The following TSC22D2 variants were observed in gnomAD, a reference collection of about 807,000 sequenced individuals.
TSC22D2 encodes TSC22 domain family protein 2.
TSC22D2 carries 5 observed loss-of-function variants against 50.1 expected under a neutral mutation model. The observed-to-expected ratio is 0.10, with a 90% CI of 0.05 to 0.21. The LOEUF is 0.21. Ranked by LOEUF, TSC22D2 falls within the 10% of genes least tolerant of loss-of-function variation. The pLI is 1.00. For synonymous variants in TSC22D2, 501 were observed against 450.1 expected, an observed-to-expected ratio of 1.11 and a Z score of -1.43; for missense variants, 1,003 against 1,015.5, an observed-to-expected ratio of 0.99 and a Z score of 0.17.
intron 2 of TSC22D2, 31 bp from the exon 3 acceptor site, chr3:150,458,345 C>CT: frequency 1.3e-6 from 2 of 1,596,938 alleles, no homozygotes; most frequent in Non-Finnish European, 1.7e-6. Context: ...TCTTTTCACT[C>CT]TTTTGACATT....
At chr3:150,440,946 A>G (rs1248601149) in intron 1 of TSC22D2, among the ~76,000 whole-genome samples, 2 of 151,828 alleles carry the variant, frequency 1.3e-5, no homozygotes, top group Non-Finnish European at 2.9e-5. Flanking sequence ...CTGCAGAGCT[A>G]GTATAAACTG....
chr3:150,463,106 C>A lies in TSC22D2; in HGVS notation c.*4470C>A, dbSNP rs1721464630. The stretch of plus-strand genomic sequence containing the variant: ...AAAGGGTTGGGGAATGGAACCTTTG[C>A]TGTCACTATGCCTGTCTCTCAATTC... On this transcript the variant is annotated 3_prime_UTR_variant, in exon 3 of 3. Coordinates refer to ENST00000688009, the MANE Select transcript of TSC22D2 (RefSeq NM_001303264.2). 6.6e-6 allele frequency: 1 copy of A among 152,218 alleles called. No individual in the cohort carries two copies. The highest frequency in any genetic ancestry group is 2.1e-4 in the South Asian group (1 of 4,830). The allele number at this position is 152,218 out of a possible 1,614,324, so 9.4% of individuals were successfully genotyped here.
chr3:150,424,511 T>C (rs1720113885), intron 1 of TSC22D2, among the ~76,000 whole-genome samples: 1 of 152,200 alleles, frequency 6.6e-6, no homozygotes, highest in South Asian at 2.1e-4. Flanking sequence ...AGCTATATTT[T>C]TGATAATTTG....
rs1719526586 is a variant in TSC22D2, at chr3:150,410,873, ACGTGCCTGCAGCCGTGCCCGCTCCAAG to A, written c.1531_1557del (p.Ala511_Pro519del). 6.2e-7 allele frequency: 1 copy of A among 1,613,228 alleles called. No homozygotes were observed. Among genetic ancestry groups the A allele is most frequent in the East Asian group, 2.2e-5 (1 of 44,816 alleles). On this transcript the variant is annotated inframe_deletion, in exon 1 of 3. Transcript: ENST00000688009. ...CACGCCGTGGTGCCCGGAGTTCCAA[ACGTGCCTGCAGCCGTGCCCGCTCCAAG>A]CGTGCCTAGTGTGTCTACCACTTCT...
rs1719550744 is a variant in TSC22D2, at chr3:150,411,189, G to T, written c.1839G>T (p.Lys613Asn). The T allele has an allele frequency of 1.9e-6, 3 of 1,614,182 alleles. No homozygotes were observed. In the East Asian group the frequency reaches 6.7e-5, roughly 36 times the overall value. The stretch of plus-strand genomic sequence containing the variant: ...CACTTTCTCTCATTGCTGAAAATAA[G>T]CCTGTTGTGAAGCCGCCTGTTGCAG... The part of the protein sequence containing the change: ...QPPLSLIAEN[K>N]PVVKPPVADS... The change falls in exon 1 of 3, where the codon AAG becomes AAT. Residue 613 changes from lysine to asparagine, a missense_variant. Lys to Asn is a moderately conservative substitution (Grantham distance 94). Transcript: ENST00000688009.
chr3:150,437,709 G>T (rs4681206), intron 1 of TSC22D2, among the ~76,000 whole-genome samples: 57,785 of 151,818 alleles, frequency 0.38, 11,397 homozygotes, highest in Middle Eastern at 0.54. Flanking sequence ...TCGGGAGGCT[G>T]AGGCAGGAGA....
rs201536047 is a variant in TSC22D2, at chr3:150,457,134, A to T, written c.2010+7A>T. The T allele has an allele frequency of 6.4e-4, 1,029 of 1,610,616 alleles. 5 individuals carry two copies. The Middle Eastern group carries it at 0.012, about 18-fold the overall frequency. ...CAAAATAGAACAAGCAATGGTAAGT[A>T]AAAGTTTACAGTTCTCCCATTTCAT... is the stretch of plus-strand genomic sequence containing the variant. On this transcript the variant is annotated splice_region_variant and intron_variant, in intron 2 of 2. Transcript: ENST00000688009.
chr3:150,415,180 G>A (rs1482546459), intron 1 of TSC22D2, among the ~76,000 whole-genome samples: 1 of 152,048 alleles, frequency 6.6e-6, no homozygotes, highest in African/African-American at 2.4e-5. Context: ...AAAGGCTTAC[G>A]ATTTTCCAAA....
intron 1 of TSC22D2, among the ~76,000 whole-genome samples, chr3:150,446,332 C>G (rs1720889686): frequency 6.6e-6 from 1 of 151,980 alleles, no homozygotes; most frequent in Non-Finnish European, 1.5e-5. Context: ...TAGAGTGTTG[C>G]CTTTATATTT....
intron 1 of TSC22D2, among the ~76,000 whole-genome samples, chr3:150,420,722 A>G (rs895396681): frequency 2.6e-5 from 4 of 152,232 alleles, no homozygotes; most frequent in East Asian, 3.8e-4. Context: ...TTTGGAACCA[A>G]TTTACCTGGA....
At chr3:150,438,284 A>G (rs1013411662) in intron 1 of TSC22D2, 4 of 404,596 alleles carry the variant, frequency 9.9e-6, no homozygotes, top group Admixed American at 9.7e-5. Flanking sequence ...ATGCCCTCAC[A>G]TGGTTGGAGG....
intron 1 of TSC22D2, among the ~76,000 whole-genome samples, chr3:150,430,758 A>C (rs934949545): frequency 5.3e-5 from 8 of 152,148 alleles, no homozygotes; most frequent in African/African-American, 1.7e-4. Context: ...AGAGTAGGGT[A>C]AAGGGTCAAG....
In TSC22D2 at chr3:150,409,925, G is replaced by A. The variant is rs1380804979; in HGVS notation, c.575G>A (p.Ser192Asn). 6.2e-7 allele frequency: 1 copy of A among 1,613,976 alleles called. No homozygotes were observed. Residue 192 changes from serine to asparagine, a missense_variant, in exon 1 of 3, where the codon AGC becomes AAC. Coordinates refer to ENST00000688009, the MANE Select transcript of TSC22D2 (RefSeq NM_001303264.2). This position sits in a 1 kb window ranked among gnomAD's most constrained non-coding sequence, Gnocchi z 7.4. ...CMEYYERDSDSSVLTRSGDCI... is the reference protein window; with the variant it reads ...CMEYYERDSDNSVLTRSGDCI... The stretch of plus-strand genomic sequence containing the variant: ...GAATACTATGAGAGGGATTCAGACA[G>A]CAGCGTCCTGACTAGATCCGGGGAT...
chr3:150,446,517 T>C (rs1451944285), intron 1 of TSC22D2, among the ~76,000 whole-genome samples: 4 of 152,180 alleles, frequency 2.6e-5, no homozygotes, highest in Non-Finnish European at 2.9e-5. Flanking sequence ...AAAAGAAAGA[T>C]GTAATTCTTT....
intron 1 of TSC22D2, among the ~76,000 whole-genome samples, chr3:150,450,921 A>C (rs1323523504): frequency 6.6e-6 from 1 of 152,190 alleles, no homozygotes; most frequent in Non-Finnish European, 1.5e-5. Context: ...TACAGTGCTT[A>C]TTTTGGGAGA....
At position 150,449,440 on chromosome 3, in the gene TSC22D2, A is replaced by T. The variant is rs190124837; in HGVS notation, c.1959-7636A>T. Among the ~76,000 whole-genome samples the T allele has an allele frequency of 3.0e-3, 451 of 152,152 alleles. 3 individuals are homozygous for T. Among genetic ancestry groups the T allele is most frequent in the African/African-American group, 0.011 (439 of 41,540 alleles). On this transcript the variant is annotated intron_variant, in intron 1 of 2. Transcript: ENST00000688009. Reference sequence around the variant, plus strand: ...TCTTAATGTGTGTATATCCTTCTTTATGTGTATATAAGCAAATCAATGTAT... The same window carrying T: ...TCTTAATGTGTGTATATCCTTCTTTTTGTGTATATAAGCAAATCAATGTAT...
At chr3:150,413,561 GT>G (rs140269585) in intron 1 of TSC22D2, among the ~76,000 whole-genome samples, 20,297 of 109,990 alleles carry the variant, frequency 0.18, 1,670 homozygotes, top group Non-Finnish European at 0.26. Context: ...TTTGTTTTGT[GT>G]TTTTTTTTTT....
rs369100145 is a variant in TSC22D2, at chr3:150,409,782, C to T, written c.432C>T (p.Ala144=). Residue 144 remains alanine, a synonymous_variant, in exon 1 of 3, where the codon GCC becomes GCT. Coordinates refer to ENST00000688009, the MANE Select transcript of TSC22D2 (RefSeq NM_001303264.2). The surrounding 1 kb of genome is among the most constrained non-coding windows in gnomAD (Gnocchi z 7.4). The part of the protein sequence containing the change: ...PGGPQLAGSS[A]GPVTAAPSQP... ...GCCCCCAGCTCGCGGGCTCATCCGCCGGGCCAGTGACTGCAGCCCCATCTC... is the reference window on the plus strand; with the variant it reads ...GCCCCCAGCTCGCGGGCTCATCCGCTGGGCCAGTGACTGCAGCCCCATCTC... The T allele has an allele frequency of 3.6e-5, 58 of 1,602,576 alleles. No individual in the cohort carries two copies. In the African/African-American group the frequency reaches 6.4e-4, roughly 18 times the overall value.
chr3:150,426,444 T>C (rs575130233), intron 1 of TSC22D2, among the ~76,000 whole-genome samples: 2 of 152,306 alleles, frequency 1.3e-5, no homozygotes, highest in African/African-American at 4.8e-5. Context: ...CAGGTTCTCA[T>C]TGGGAGTCCT....
Sources: gnomAD v4.1 joint callset for allele counts (sites outside exome capture counted in the v4.1 genomes callset) on GRCh38, gnomAD v4.1.1 for gene constraint, Gnocchi (gnomAD v3.1) non-coding constraint, MANE v1.5 for transcripts, NCBI Gene and HGNC (gene_info 2026-07-23, HGNC 2026-07-21) for gene names.